Variants in RNF2 observed in about 807,000 individuals in gnomAD.
The protein encoded by RNF2 is ring finger protein 2, also known as E3 ubiquitin-protein ligase RING2.
A neutral mutation model predicts 37.2 loss-of-function variants in RNF2; 6 were observed. That is an observed-to-expected ratio of 0.16 (90% CI 0.09 to 0.32). RNF2 has a LOEUF of 0.32. Ranked by LOEUF, RNF2 falls within the 10% of genes least tolerant of loss-of-function variation. The pLI, the probability that RNF2 is intolerant of heterozygous loss-of-function variation, is 1.00. For missense variants in RNF2, 251 were observed against 404.0 expected, an observed-to-expected ratio of 0.62 and a Z score of 3.25; for synonymous variants, 133 against 132.7, an observed-to-expected ratio of 1.00 and a Z score of -0.02.
At chr1:185,063,085 T>C (rs1324575388) in intron 1 of RNF2, among the ~76,000 whole-genome samples, 1 of 152,228 alleles carries the variant, frequency 6.6e-6, no homozygotes, top group Non-Finnish European at 1.5e-5. Flanking sequence ...TTGCCAAGGG[T>C]AACTTCTTAC....
At chr1:185,051,406 T>G (rs1305907230) in intron 1 of RNF2, among the ~76,000 whole-genome samples, 1 of 152,108 alleles carries the variant, frequency 6.6e-6, no homozygotes, top group Non-Finnish European at 1.5e-5. Flanking sequence ...TTTTCTTTTG[T>G]TAAAAAAAAT....
At chr1:185,046,591 G>T (rs576546112) in intron 1 of RNF2, among the ~76,000 whole-genome samples, 1 of 152,294 alleles carries the variant, frequency 6.6e-6, no homozygotes, top group South Asian at 2.1e-4. Context: ...TTTCGAGGCT[G>T]TCGGAAGTTT....
chr1:185,083,029 G>A (rs1651475867), intron 1 of RNF2, among the ~76,000 whole-genome samples: 1 of 152,092 alleles, frequency 6.6e-6, no homozygotes, highest in Non-Finnish European at 1.5e-5. Flanking sequence ...TTTATACATG[G>A]TTCACCTCAA....
intron 1 of RNF2, among the ~76,000 whole-genome samples, chr1:185,084,768 C>T (rs1455605080): frequency 6.6e-6 from 1 of 152,192 alleles, no homozygotes; most frequent in African/African-American, 2.4e-5. Flanking sequence ...ATGCATATAG[C>T]AGGAATTCTA....
chr1:185,085,145 CTTTTTTTTTTTTT>C (rs71555455), intron 1 of RNF2, among the ~76,000 whole-genome samples: 1 of 103,224 alleles, frequency 9.7e-6, no homozygotes, highest in Non-Finnish European at 1.8e-5. Flanking sequence ...CTTTCTTTTT[CTTTTTTTTTTTTT>C]TTTTTTTTGA....
chr1:185,073,407 A>G (rs564568000), intron 1 of RNF2, among the ~76,000 whole-genome samples: 1 of 152,336 alleles, frequency 6.6e-6, no homozygotes, highest in African/African-American at 2.4e-5. Context: ...GGATTCAGCT[A>G]AGACAGTAGA....
At chr1:185,064,904 G>C (rs2102165116) in intron 1 of RNF2, among the ~76,000 whole-genome samples, 1 of 152,148 alleles carries the variant, frequency 6.6e-6, no homozygotes, top group South Asian at 2.1e-4. Context: ...GAATGAAACT[G>C]ATTGTTTTGT....
chr1:185,075,646 A>G (rs148718683), intron 1 of RNF2, among the ~76,000 whole-genome samples: 359 of 152,292 alleles, frequency 2.4e-3, no homozygotes, highest in African/African-American at 8.1e-3. Context: ...GGCAGGTCCT[A>G]CATGTCTGGA....
intron 2 of RNF2, 96 bp from the exon 3 acceptor site, chr1:185,091,483 A>G (rs1651763904): frequency 3.2e-6 from 4 of 1,244,870 alleles, no homozygotes; most frequent in Non-Finnish European, 4.6e-6. Flanking sequence ...GGGTACATAT[A>G]TGTTTGTTTT....
chr1:185,094,123 T>C (rs1398531146), intron 4 of RNF2, among the ~76,000 whole-genome samples: 3 of 151,570 alleles, frequency 2.0e-5, no homozygotes, highest in Non-Finnish European at 2.9e-5. Context: ...CCAAAAACTT[T>C]GGAGTCAGTT....
chr1:185,098,986 G>A (rs1371629770), intron 5 of RNF2, among the ~76,000 whole-genome samples: 6 of 149,660 alleles, frequency 4.0e-5, no homozygotes, highest in South Asian at 2.1e-4. Context: ...TCTTGACCTC[G>A]TGATCCGCCT....
At chr1:185,049,560 G>A (rs1341729285) in intron 1 of RNF2, among the ~76,000 whole-genome samples, 1 of 152,002 alleles carries the variant, frequency 6.6e-6, no homozygotes, top group African/African-American at 2.4e-5. Flanking sequence ...ATATCTGAGA[G>A]CAGTTAGAAT....
At chr1:185,058,478 C>T (rs1013169932) in intron 1 of RNF2, among the ~76,000 whole-genome samples, 3 of 152,098 alleles carry the variant, frequency 2.0e-5, no homozygotes, top group Non-Finnish European at 4.4e-5. Flanking sequence ...AAGTTAAAAA[C>T]CATGGACCTA....
At chr1:185,053,299 A>C (rs1196874514) in intron 1 of RNF2, among the ~76,000 whole-genome samples, 1 of 151,326 alleles carries the variant, frequency 6.6e-6, no homozygotes, top group Non-Finnish European at 1.5e-5. Context: ...TACTCCTGTC[A>C]TTATTTTCTC....
Position 185,066,045 on chromosome 1 carries a change from ATTG to A in RNF2, c.-3+20399_-3+20401del, listed in dbSNP as rs1340173456. On this transcript the variant is annotated intron_variant, in intron 1 of 6. Coordinates refer to ENST00000367510, the MANE Select transcript of RNF2 (RefSeq NM_007212.4). Reference sequence around the variant, plus strand: ...CTTTGTCATTTCCTATATCCCATGTATTGTTATTTTTGAGCTCTGCCTTTTCTA... The same window carrying A: ...CTTTGTCATTTCCTATATCCCATGTATTATTTTTGAGCTCTGCCTTTTCTA... Among the ~76,000 whole-genome samples, 4 of 149,612 alleles carry A rather than the reference ATTG, an allele frequency of 2.7e-5. No homozygotes were observed. In the East Asian group the frequency reaches 6.0e-4, roughly 22 times the overall value.
intron 3 of RNF2, among the ~76,000 whole-genome samples, chr1:185,092,631 C>T (rs546515513): frequency 5.9e-5 from 9 of 151,856 alleles, no homozygotes; most frequent in East Asian, 3.9e-4. Context: ...CATAAAACCA[C>T]GATTTTTCCA....
intron 1 of RNF2, among the ~76,000 whole-genome samples, chr1:185,051,992 T>A (rs1650287038): frequency 6.6e-6 from 1 of 151,370 alleles, no homozygotes; most frequent in South Asian, 2.1e-4. Context: ...GTAACACTTC[T>A]CAAATTAAGA....
chr1:185,098,031 TA>T, intron 4 of RNF2, 40 bp from the exon 5 acceptor site: 1 of 1,600,936 alleles, frequency 6.2e-7, no homozygotes, highest in East Asian at 2.2e-5. Context: ...TTTAAAGGCC[TA>T]AAAGTAAATT....
At chr1:185,047,755 C>G (rs1553237974) in intron 1 of RNF2, among the ~76,000 whole-genome samples, 1 of 152,146 alleles carries the variant, frequency 6.6e-6, no homozygotes, top group Non-Finnish European at 1.5e-5. Flanking sequence ...AACTAAAAAT[C>G]CATCACAGTT....
Sources: gnomAD v4.1 joint callset for allele counts (sites outside exome capture counted in the v4.1 genomes callset) on GRCh38, gnomAD v4.1.1 for gene constraint, MANE v1.5 for transcripts, NCBI Gene and HGNC (gene_info 2026-07-23, HGNC 2026-07-21) for gene names.